Variants in COL16A1 observed in about 807,000 individuals in gnomAD.
The protein encoded by COL16A1 is collagen type XVI alpha 1 chain.
COL16A1 carries 189 observed loss-of-function variants against 266.3 expected under a neutral mutation model. That is an observed-to-expected ratio of 0.71 (90% CI 0.63 to 0.80). The LOEUF is 0.80. COL16A1 is among the 30% of genes least tolerant of loss of function. COL16A1 has a pLI of 0.00. For synonymous variants in COL16A1, 740 were observed against 782.3 expected (o/e 0.95, Z 0.90); for missense variants, 1,928 against 2,122.4 (o/e 0.91, Z 1.80).
At chr1:31,692,864 T>G in intron 13 of COL16A1, 56 bp from the exon 14 acceptor site, 1 of 1,543,788 alleles carries the variant, frequency 6.5e-7, no homozygotes, top group African/African-American at 1.4e-5. Context: ...GTCCCCTAGA[T>G]GTGTTGTGAG....
In COL16A1 at chr1:31,694,180, C is replaced by G. The variant is rs189190050; in HGVS notation, c.982-10G>C. ...AGGGAGCAAGTGTGACCTGAGGGGA[C>G]AGAGGAGAGGGCATCACACTTCCGG... On this transcript the variant is annotated splice_polypyrimidine_tract_variant and intron_variant, in intron 11 of 70. Transcript: ENST00000373672. 6.3e-7 allele frequency: 1 copy of G among 1,584,868 alleles called. No homozygotes were observed. The highest frequency in any genetic ancestry group is 8.6e-7 in the Non-Finnish European group (1 of 1,161,950).
chr1:31,669,814 T>C (rs1339935330), intron 49 of COL16A1: 12 of 152,184 alleles, frequency 7.9e-5, no homozygotes, highest in African/African-American at 2.9e-4. Context: ...AACACACCTG[T>C]GACGATGACG....
rs1557657318 is a variant in COL16A1 at position 31,680,920 on chromosome 1, T to C, written c.2595A>G (p.Gly865=). The C allele has an allele frequency of 6.2e-7, 1 of 1,614,154 alleles. No homozygotes were observed. The highest frequency in any genetic ancestry group is 1.7e-5 in the Admixed American group (1 of 60,024). ...TGLRGTPGEK[G]PRGEKGEPGE... is the part of the protein sequence containing the mutation. ...TGGAACTCACCTTCTCTCCTCGTGG[T>C]CCTTTTTCACCCTGCAGGGAAGAAA... is the stretch of plus-strand genomic sequence containing the variant. The change falls in exon 39 of 71, where the codon GGA becomes GGG. Residue 865 remains glycine, a synonymous_variant. Transcript: ENST00000373672.
chr1:31,657,181 T>C lies in COL16A1; in HGVS notation c.4021-113A>G. The C allele has an allele frequency of 7.5e-7, 1 of 1,333,040 alleles. No individual in the cohort carries two copies. The allele number at this position is 1,333,040 out of a possible 1,614,324, so 82.6% of individuals were successfully genotyped here. A position where few individuals can be genotyped will look rare whatever the true frequency, so the allele number is the denominator to read the frequency against. On this transcript the variant is annotated intron_variant, in intron 64 of 70. Transcript: ENST00000373672. This position sits in a 1 kb window ranked among gnomAD's most constrained non-coding sequence, Gnocchi z 6.4. ...CCCCTGTTCCACCCAGAGGCCACGA[T>C]CCTCCAGCCCTCACCCTCTGACAAT...
chr1:31,702,195 C>G lies in COL16A1; in HGVS notation c.-2G>C, dbSNP rs1245924935. 1 of 1,614,118 alleles carries G rather than the reference C, an allele frequency of 6.2e-7. No individual in the cohort carries two copies. Among genetic ancestry groups the G allele is most frequent in the South Asian group, 1.1e-5 (1 of 91,076 alleles). On this transcript the variant is annotated 5_prime_UTR_variant, in exon 2 of 71. Transcript: ENST00000373672. The stretch of plus-strand genomic sequence containing the variant: ...GCCAGGAGCCCAGGATACCCACATC[C>G]CGGTCCAAAGAGGTCAGCTACAGCC...
At position 31,667,745 on chromosome 1, in the gene COL16A1, G is replaced by A. The variant is rs1642265354; in HGVS notation, c.3304-117C>T. Reference sequence around the variant, plus strand: ...AGACTGGCTCTGGGGGAATGGCACTGGGAGGACCGCTGGGTGCTCCAAAGC... The same window carrying A: ...AGACTGGCTCTGGGGGAATGGCACTAGGAGGACCGCTGGGTGCTCCAAAGC... On this transcript the variant is annotated intron_variant, in intron 51 of 70. Transcript: ENST00000373672. 3 of 1,023,402 alleles carry A rather than the reference G, an allele frequency of 2.9e-6. No homozygotes were observed. In the South Asian group the frequency reaches 4.1e-5, roughly 14 times the overall value. 63.4% of individuals were successfully genotyped at this position (1,023,402 alleles called of 1,614,324 possible).
chr1:31,666,492 A>C, intron 52 of COL16A1: 5 of 243,666 alleles, frequency 2.1e-5, no homozygotes, highest in East Asian at 1.3e-4. Flanking sequence ...TCTCCTTCTC[A>C]TCTTCCGCCT....
chr1:31,681,710 G>A (rs1374749418), intron 37 of COL16A1, among the ~76,000 whole-genome samples: 1 of 152,252 alleles, frequency 6.6e-6, no homozygotes, highest in Non-Finnish European at 1.5e-5. Context: ...GCCAGGAGAA[G>A]CCAGCCTGGC....
chr1:31,681,010 G>T lies in COL16A1; in HGVS notation c.2583+13C>A, dbSNP rs116588786. 1 of 1,613,838 alleles carries T rather than the reference G, an allele frequency of 6.2e-7. No homozygotes were observed. Among genetic ancestry groups the T allele is most frequent in the East Asian group, 2.2e-5 (1 of 44,878 alleles). On this transcript the variant is annotated intron_variant, in intron 38 of 70. Transcript: ENST00000373672. ...GGCCATGGCTTCCTGCTGCCCCAAG[G>T]CACTGTACTCACTGGTGTTCCTCTG... is the stretch of plus-strand genomic sequence containing the variant.
chr1:31,661,361 A>G, intron 60 of COL16A1, 53 bp downstream of exon 60: 1 of 1,612,868 alleles, frequency 6.2e-7, no homozygotes. Flanking sequence ...GCCTGGGGGC[A>G]AGCCTTCAGG....
Position 31,657,993 on chromosome 1 carries a change from G to T in COL16A1, c.4020+495C>A, listed in dbSNP as rs1641313896. Among the ~76,000 whole-genome samples the T allele has an allele frequency of 6.6e-6, 1 of 152,200 alleles. No homozygotes were observed. The highest frequency in any genetic ancestry group is 1.5e-5 in the Non-Finnish European group (1 of 68,030). ...ACAATCAGATCCACTAAATGGGGCT[G>T]CGGCACAGATTAAGATAAAATGCAC... On this transcript the variant is annotated intron_variant, in intron 64 of 70. Coordinates refer to ENST00000373672, the MANE Select transcript of COL16A1 (RefSeq NM_001856.4). The surrounding 1 kb of genome is among the most constrained non-coding windows in gnomAD (Gnocchi z 6.4).
Position 31,689,770 on chromosome 1 carries a change from C to A in COL16A1, c.1591G>T (p.Gly531Trp). ...GCTGGTACAGGATCACCAGGCTCCC[C>A]TTTGGGCCCTGGCTTTCCAGGAAGT... ...VGLPGKPGPK[G>W]EPGDPVPARG... The change falls in exon 23 of 71, where the codon GGG becomes TGG. Residue 531 changes from glycine (G) to tryptophan (W), a missense_variant. This residue lies in a region of COL16A1 where 1,552 missense variants were observed against 1,637.2 expected (regional missense o/e 0.95). Coordinates refer to ENST00000373672, the MANE Select transcript of COL16A1 (RefSeq NM_001856.4). 9 of 1,614,136 alleles carry A rather than the reference C, an allele frequency of 5.6e-6. No homozygotes were observed. Among genetic ancestry groups the A allele is most frequent in the Non-Finnish European group, 7.6e-6 (9 of 1,180,000 alleles).
intron 23 of COL16A1, chr1:31,689,329 C>A: frequency 1.6e-6 from 1 of 637,666 alleles, no homozygotes; most frequent in Non-Finnish European, 2.7e-6. Context: ...TATACCCAAT[C>A]ACCTTTTTGT....
chr1:31,665,942 C>A lies in COL16A1; in HGVS notation c.3403-7G>T. 6.2e-7 allele frequency: 1 copy of A among 1,614,154 alleles called. No individual in the cohort carries two copies. Among genetic ancestry groups the A allele is most frequent in the South Asian group, 1.1e-5 (1 of 91,082 alleles). ...CTCGCTCTCCTCTGGGACCCTGTCA[C>A]CCACAGAGAACAATGCAGCCGAAAC... is the stretch of plus-strand genomic sequence containing the variant. On this transcript the variant is annotated splice_region_variant and splice_polypyrimidine_tract_variant and intron_variant, in intron 53 of 70. Transcript: ENST00000373672.
At position 31,684,140 on chromosome 1, in the gene COL16A1, C is replaced by T. The variant is rs561529215; in HGVS notation, c.2252G>A (p.Gly751Asp). ...ACCAGGTCGGCCCACGCCTTCGGGGCCCTGCTCTCCTTTGGGGCCGGGCTG... is the reference window on the plus strand; with the variant it reads ...ACCAGGTCGGCCCACGCCTTCGGGGTCCTGCTCTCCTTTGGGGCCGGGCTG... Reference protein sequence around the residue: ...PGQPGPKGEQGPEGVGRPGKP... With the variant: ...PGQPGPKGEQDPEGVGRPGKP... Residue 751 changes from glycine to aspartate, a missense_variant, in exon 32 of 71, where the codon GGC becomes GAC. By Grantham distance (94) the Gly-to-Asp change is moderately conservative (BLOSUM62 -1). This residue lies in a region of COL16A1 where 1,552 missense variants were observed against 1,637.2 expected (regional missense o/e 0.95). Coordinates refer to ENST00000373672, the MANE Select transcript of COL16A1 (RefSeq NM_001856.4). The T allele has an allele frequency of 2.6e-6, 4 of 1,557,220 alleles. No individual in the cohort carries two copies. Among genetic ancestry groups the T allele is most frequent in the African/African-American group, 2.7e-5 (2 of 73,656 alleles).
Position 31,699,922 on chromosome 1 carries a change from G to A in COL16A1, c.157C>T (p.Leu53Phe), listed in dbSNP as rs1644658563. 3.1e-6 allele frequency: 5 copies of A among 1,611,828 alleles called. No homozygotes were observed. Among genetic ancestry groups the A allele is most frequent in the African/African-American group, 1.3e-5 (1 of 74,904 alleles). The change falls in exon 4 of 71, where the codon CTC becomes TTC. Residue 53 changes from leucine to phenylalanine, a missense_variant. This residue lies in a region of COL16A1 where 1,552 missense variants were observed against 1,637.2 expected (regional missense o/e 0.95). Transcript: ENST00000373672. ...TTCATGAGGCTGAGTCGGTGGATGA[G>A]GTTGAAGCCTTTGGGGGAGACATCA... The part of the protein sequence containing the change: ...SLPANVTGFN[L>F]IHRLSLMKTS...
rs757859848 is a variant in COL16A1 at position 31,693,173 on chromosome 1, T to G, written c.1009-19A>C. ...TCCCTCCCTGAGAGTGAAACCAGAA[T>G]GGAAGATAGGACCAGAGGGGGCACA... On this transcript the variant is annotated intron_variant, in intron 12 of 70. Transcript: ENST00000373672. 5.7e-6 allele frequency: 9 copies of G among 1,569,084 alleles called. No homozygotes were observed. In the Admixed American group the frequency reaches 1.5e-4, roughly 26 times the overall value.
chr1:31,696,694 C>T (rs901942675), intron 8 of COL16A1, among the ~76,000 whole-genome samples: 2 of 152,204 alleles, frequency 1.3e-5, no homozygotes, highest in African/African-American at 2.4e-5. Context: ...GGATGGCATC[C>T]GTGAGGGTCT....
intron 20 of COL16A1, 37 bp from the exon 21 acceptor site, chr1:31,690,610 G>A (rs1356184894): frequency 6.2e-7 from 1 of 1,610,412 alleles, no homozygotes; most frequent in Admixed American, 1.7e-5. Flanking sequence ...GGAGCCTTCT[G>A]GCCAATGCAA....
Sources: gnomAD v4.1 joint callset for allele counts (sites outside exome capture counted in the v4.1 genomes callset) on GRCh38, gnomAD v4.1.1 for gene constraint, gnomAD v4.1.1 regional missense constraint, Gnocchi (gnomAD v3.1) non-coding constraint, MANE v1.5 for transcripts, NCBI Gene and HGNC (gene_info 2026-07-23, HGNC 2026-07-21) for gene names.